The following GLRA1 variants were observed in gnomAD, a reference collection of about 807,000 sequenced individuals.
GLRA1 encodes the protein glycine receptor alpha 1, also known as glycine receptor subunit alpha-1.
Under a neutral mutation model 48.3 loss-of-function variants are expected in GLRA1, and 37 were observed. The observed-to-expected ratio is 0.77, with a 90% CI of 0.59 to 1.01. The LOEUF (loss-of-function observed/expected upper bound fraction) is 1.01, where lower values mean the gene tolerates loss of function less well. Ranked by LOEUF, GLRA1 falls within the 50% of genes least tolerant of loss-of-function variation. GLRA1 has a pLI of 0.00. For missense variants in GLRA1, 427 were observed against 571.0 expected (o/e 0.75, Z 2.57); for synonymous variants, 196 against 210.7 (o/e 0.93, Z 0.60).
At chr5:151,832,051 C>G (rs1464895503) in intron 7 of GLRA1, among the ~76,000 whole-genome samples, 1 of 152,148 alleles carries the variant, frequency 6.6e-6, no homozygotes, top group Non-Finnish European at 1.5e-5. Context: ...ACCTGCAGCT[C>G]AGAGGCCTGA....
Position 151,829,053 on chromosome 5 carries a change from T to C in GLRA1, c.927A>G (p.Lys309=). ...RASLPKVSYV[K]AIDIWMAVCL... ...AAACTGCCATCCAAATGTCAATGGC[T>C]TTCACATAGGACACCTAGAGTGGGG... Residue 309 remains lysine (K), a synonymous_variant, in exon 8 of 9, where the codon AAA becomes AAG. Coordinates refer to ENST00000274576, the MANE Select transcript of GLRA1 (RefSeq NM_000171.4). 6.2e-7 allele frequency: 1 copy of C among 1,613,972 alleles called. No individual in the cohort carries two copies. The highest frequency in any genetic ancestry group is 8.5e-7 in the Non-Finnish European group (1 of 1,179,942).
At chr5:151,831,998 A>G (rs1763439385) in intron 7 of GLRA1, among the ~76,000 whole-genome samples, 2 of 152,224 alleles carry the variant, frequency 1.3e-5, no homozygotes, top group Non-Finnish European at 2.9e-5. Context: ...GGTGATAACT[A>G]GGCACACAGG....
intron 7 of GLRA1, chr5:151,848,914 CA>C: frequency 1.4e-6 from 1 of 691,734 alleles, no homozygotes; most frequent in Non-Finnish European, 2.8e-6. Context: ...CCCACTTAAA[CA>C]AAGGTATTAA....
intron 7 of GLRA1, among the ~76,000 whole-genome samples, chr5:151,836,964 C>T (rs984921567): frequency 6.6e-6 from 1 of 152,074 alleles, no homozygotes; most frequent in African/African-American, 2.4e-5. Flanking sequence ...AACTAAAGAG[C>T]TTCTGCACAG....
At chr5:151,840,371 T>G (rs995656133) in intron 7 of GLRA1, among the ~76,000 whole-genome samples, 1 of 152,108 alleles carries the variant, frequency 6.6e-6, no homozygotes, top group African/African-American at 2.4e-5. Context: ...AGTGCTGGAA[T>G]TACAGGCATG....
intron 7 of GLRA1, among the ~76,000 whole-genome samples, chr5:151,834,661 C>A (rs532222794): frequency 1.3e-3 from 202 of 151,978 alleles, no homozygotes; most frequent in African/African-American, 4.4e-3. Context: ...CATGAAAAAC[C>A]CTTCAAAAAA....
At chr5:151,881,296 T>C (rs1328750775) in intron 3 of GLRA1, among the ~76,000 whole-genome samples, 1 of 150,514 alleles carries the variant, frequency 6.6e-6, no homozygotes, top group African/African-American at 2.4e-5. Flanking sequence ...TCTTTTCCTT[T>C]GTACGTTTCT....
At chr5:151,897,276 A>G (rs907330102) in intron 1 of GLRA1, among the ~76,000 whole-genome samples, 1 of 152,206 alleles carries the variant, frequency 6.6e-6, no homozygotes, top group South Asian at 2.1e-4. Flanking sequence ...TGTGCTGTGC[A>G]TCTGTGTAGA....
intron 1 of GLRA1, among the ~76,000 whole-genome samples, chr5:151,904,414 G>A (rs986669685): frequency 2.0e-5 from 3 of 152,302 alleles, no homozygotes; most frequent in African/African-American, 7.2e-5. Context: ...GAGATTCTGG[G>A]TTTGATTTCT....
At chr5:151,845,724 T>C (rs1383472025) in intron 7 of GLRA1, among the ~76,000 whole-genome samples, 1 of 152,204 alleles carries the variant, frequency 6.6e-6, no homozygotes, top group Non-Finnish European at 1.5e-5. Context: ...ATATATACCT[T>C]TGAGAATTAA....
At chr5:151,828,309 T>C (rs934669712) in intron 8 of GLRA1, among the ~76,000 whole-genome samples, 1 of 152,184 alleles carries the variant, frequency 6.6e-6, no homozygotes, top group Non-Finnish European at 1.5e-5. Flanking sequence ...AGCAGTTTGC[T>C]CCAGCAGGCT....
intron 1 of GLRA1, among the ~76,000 whole-genome samples, chr5:151,919,538 G>T (rs1754822001): frequency 6.6e-6 from 1 of 152,150 alleles, no homozygotes; most frequent in Non-Finnish European, 1.5e-5. Context: ...TCAGACCTTT[G>T]AGCCTGACTA....
intron 1 of GLRA1, among the ~76,000 whole-genome samples, chr5:151,922,440 G>T (rs572202795): frequency 2.0e-5 from 3 of 151,982 alleles, no homozygotes; most frequent in African/African-American, 7.3e-5. Context: ...TTCAATTATT[G>T]TCTGTATTGT....
intron 1 of GLRA1, among the ~76,000 whole-genome samples, chr5:151,909,620 T>C (rs1047525068): frequency 1.3e-5 from 2 of 152,224 alleles, no homozygotes; most frequent in Admixed American, 1.3e-4. Context: ...TTAAATGTTA[T>C]CAGTATCATA....
intron 3 of GLRA1, among the ~76,000 whole-genome samples, chr5:151,871,161 G>T (rs376770162): frequency 6.7e-6 from 1 of 149,300 alleles, no homozygotes; most frequent in East Asian, 1.9e-4. Flanking sequence ...TTTCTCCTTG[G>T]CCCTCTCTTA....
chr5:151,906,640 A>G (rs939673209), intron 1 of GLRA1, among the ~76,000 whole-genome samples: 9 of 152,178 alleles, frequency 5.9e-5, no homozygotes, highest in African/African-American at 2.2e-4. Flanking sequence ...TTTTTTGAGT[A>G]TTTTTATTTT....
chr5:151,914,049 A>G (rs1291816544), intron 1 of GLRA1, among the ~76,000 whole-genome samples: 2 of 152,258 alleles, frequency 1.3e-5, no homozygotes, highest in Non-Finnish European at 2.9e-5. Flanking sequence ...TTTACAACAA[A>G]TATGTATTTG....
chr5:151,876,706 G>T (rs528423201), intron 3 of GLRA1, among the ~76,000 whole-genome samples: 10 of 152,236 alleles, frequency 6.6e-5, no homozygotes, highest in Admixed American at 2.6e-4. Flanking sequence ...CCCTTGGATA[G>T]TGACATGCAA....
rs1763521766 is a variant in GLRA1 at position 151,834,731 on chromosome 5, C to T, written c.913-5664G>A. ...TAAAATATATAGACTGCTAGCCAGC[C>T]TAATAAAGAAAAGAGGCTGGGCGTG... is the stretch of plus-strand genomic sequence containing the variant. On this transcript the variant is annotated intron_variant, in intron 7 of 8. Transcript: ENST00000274576. Among the ~76,000 whole-genome samples, 3 of 151,890 alleles carry T rather than the reference C, an allele frequency of 2.0e-5. No individual in the cohort carries two copies. The South Asian group carries it at 6.2e-4, about 32-fold the overall frequency.
Sources: gnomAD v4.1 joint callset for allele counts (sites outside exome capture counted in the v4.1 genomes callset) on GRCh38, gnomAD v4.1.1 for gene constraint, MANE v1.5 for transcripts, NCBI Gene and HGNC (gene_info 2026-07-23, HGNC 2026-07-21) for gene names.